The following NOP14 variants were observed in gnomAD, a reference collection of about 807,000 sequenced individuals.
NOP14 encodes the protein NOP14 nucleolar protein, also known as nucleolar protein 14.
In NOP14, 57 loss-of-function variants were observed where a neutral mutation model predicts 101.6. That is an observed-to-expected ratio of 0.56 (90% CI 0.45 to 0.70). The LOEUF is 0.70. Among genes scored for constraint, NOP14 ranks in the 30% least tolerant of loss-of-function variants. The pLI is 0.00. For missense variants in NOP14, 1,134 were observed against 1,075.5 expected (o/e 1.05, Z -0.76); for synonymous variants, 428 against 424.0 (o/e 1.01, Z -0.12).
chr4:2,947,415 C>T (rs759969533), intron 10 of NOP14, 111 bp downstream of exon 10: 1 of 788,204 alleles, frequency 1.3e-6, no homozygotes, highest in Non-Finnish European at 2.1e-6. Flanking sequence ...CATGCTGACA[C>T]CATCATTCCA....
chr4:2,948,340 C>A lies in NOP14; in HGVS notation c.1351G>T (p.Val451Leu). The change falls in exon 9 of 18, where the codon GTG becomes TTG. Residue 451 changes from valine to leucine, a missense_variant. Physicochemically the swap from Val to Leu is conservative, Grantham distance 32 (BLOSUM62 1). Coordinates refer to ENST00000416614, the MANE Select transcript of NOP14 (RefSeq NM_001291978.2). Reference sequence around the variant, plus strand: ...TGGTTGCACTTCTGAATTCTCTCCACCACCAAAAGCTGCTCTTCCATCGAT... The same window carrying A: ...TGGTTGCACTTCTGAATTCTCTCCAACACCAAAAGCTGCTCTTCCATCGAT... The part of the protein sequence containing the change: ...GRSMEEQLLV[V>L]ERIQKCNHPS... The A allele has an allele frequency of 6.2e-7, 1 of 1,612,152 alleles. No homozygotes were observed.
chr4:2,938,420 T>TGAGGCAGGAGAATCGCTTG lies in NOP14; in HGVS notation c.*392_*410dup, dbSNP rs1713836254. 5.6e-6 allele frequency: 2 copies of TGAGGCAGGAGAATCGCTTG among 358,830 alleles called. No individual in the cohort carries two copies. The highest frequency in any genetic ancestry group is 7.5e-5 in the Admixed American group (2 of 26,834). The allele number at this position is 358,830 out of a possible 1,614,324, so 22.2% of individuals were successfully genotyped here. On this transcript the variant is annotated 3_prime_UTR_variant, in exon 18 of 18. Coordinates refer to ENST00000416614, the MANE Select transcript of NOP14 (RefSeq NM_001291978.2). ...CTGTAATCCCAGCTACTCGGGAGGC[T>TGAGGCAGGAGAATCGCTTG]GAGGCAGGAGAATCGCTTGAACCCA...
intron 14 of NOP14, 23 bp from the exon 15 acceptor site, chr4:2,941,752 G>A (rs571489718): frequency 6.2e-7 from 1 of 1,608,152 alleles, no homozygotes; most frequent in South Asian, 1.1e-5. Context: ...GAGGCAAGAG[G>A]AGGTCCAACT....
intron 1 of NOP14, 53 bp from the exon 2 acceptor site, chr4:2,957,793 C>G: frequency 6.3e-7 from 1 of 1,584,150 alleles, no homozygotes; most frequent in Non-Finnish European, 8.6e-7. Context: ...ATTTCCACTA[C>G]AGGGGACATC....
rs368545840 is a variant in NOP14, at chr4:2,947,515, T to C, written c.1499+11A>G. 7 of 1,600,428 alleles carry C rather than the reference T, an allele frequency of 4.4e-6. No individual in the cohort carries two copies. Among genetic ancestry groups the C allele is most frequent in the Non-Finnish European group, 6.0e-6 (7 of 1,167,728 alleles). ...ACCCCACATCCCAGATGACACACCA[T>C]TTTTACTTACACAACCAACTTATCA... is the stretch of plus-strand genomic sequence containing the variant. On this transcript the variant is annotated intron_variant, in intron 10 of 17. Transcript: ENST00000416614.
At chr4:2,954,353 A>T in intron 4 of NOP14, 71 bp downstream of exon 4, 33 of 1,550,590 alleles carry the variant, frequency 2.1e-5, no homozygotes, top group Non-Finnish European at 2.9e-5. Context: ...TACAGGAAAA[A>T]AAAGCTCAAA....
intron 7 of NOP14, 155 bp from the exon 8 acceptor site, chr4:2,950,368 C>G (rs1714941820): frequency 2.7e-6 from 2 of 728,746 alleles, no homozygotes; most frequent in Non-Finnish European, 2.3e-6. Context: ...GGCACTAGGC[C>G]TCCTGCCCAC....
chr4:2,938,293 G>T lies in NOP14; in HGVS notation c.*538C>A. On this transcript the variant is annotated 3_prime_UTR_variant, in exon 18 of 18. Transcript: ENST00000416614. ...CACCTATAATTGGGGGGCCAAGGCAGGTGGATTACCTGAGGTCGGGAATTC... is the reference window on the plus strand; with the variant it reads ...CACCTATAATTGGGGGGCCAAGGCATGTGGATTACCTGAGGTCGGGAATTC... 8.8e-7 allele frequency: 1 copy of T among 1,138,428 alleles called. No individual in the cohort carries two copies. The highest frequency in any genetic ancestry group is 1.2e-6 in the Non-Finnish European group (1 of 851,890). 70.5% of individuals were successfully genotyped at this position (1,138,428 alleles called of 1,614,324 possible).
chr4:2,962,298 G>T lies in NOP14; in HGVS notation c.195+827C>A, dbSNP rs113896916. Among the ~76,000 whole-genome samples the T allele has an allele frequency of 4.1e-3, 619 of 152,328 alleles. 3 individuals carry two copies. The highest frequency in any genetic ancestry group is 7.5e-3 in the Non-Finnish European group (512 of 68,014). On this transcript the variant is annotated intron_variant, in intron 1 of 17. Coordinates refer to ENST00000416614, the MANE Select transcript of NOP14 (RefSeq NM_001291978.2). ...TTCTCCCACCCCGGCCCGGGGGTGT[G>T]TAATGAGGGACTCCTATCGAAGTCA...
rs559910438 is a variant in NOP14, at chr4:2,945,154, C to T, written c.1711G>A (p.Val571Met). The change falls in exon 12 of 18, where the codon GTG becomes ATG. Residue 571 changes from valine (V) to methionine (M), a missense_variant. Transcript: ENST00000416614. Reference sequence around the variant, plus strand: ...TTGGTGAGCAGCTGACTGAGGCACACGAGGGCAGGGGTCACCACTGGGTGC... The same window carrying T: ...TTGGTGAGCAGCTGACTGAGGCACATGAGGGCAGGGGTCACCACTGGGTGC... ...FWHPVVTPAL[V>M]CLSQLLTKCP... 1.6e-5 allele frequency: 25 copies of T among 1,591,784 alleles called. No individual in the cohort carries two copies. The highest frequency in any genetic ancestry group is 1.1e-4 in the South Asian group (10 of 87,426).
chr4:2,955,542 G>A (rs1006838552), intron 3 of NOP14, among the ~76,000 whole-genome samples: 13 of 149,438 alleles, frequency 8.7e-5, no homozygotes, highest in Admixed American at 2.0e-4. Flanking sequence ...ACGCCACGGC[G>A]CCCCCTCTAG....
intron 11 of NOP14, among the ~76,000 whole-genome samples, chr4:2,945,638 T>C (rs1221682842): frequency 6.6e-6 from 1 of 152,214 alleles, no homozygotes; most frequent in Non-Finnish European, 1.5e-5. Flanking sequence ...AAGCTGAAAA[T>C]ACAGCATGAG....
chr4:2,942,088 G>T, intron 14 of NOP14, 104 bp downstream of exon 14: 1 of 1,201,092 alleles, frequency 8.3e-7, no homozygotes, highest in Non-Finnish European at 1.2e-6. Flanking sequence ...AAACGGCCGG[G>T]CGGCAAGTTC....
At chr4:2,948,187 A>G (rs1714786099) in intron 9 of NOP14, 91 bp downstream of exon 9, 1 of 1,454,894 alleles carries the variant, frequency 6.9e-7, no homozygotes, top group Non-Finnish European at 9.1e-7. Flanking sequence ...TGAGGCACAC[A>G]TGGCCGTTGC....
chr4:2,961,147 A>ATAT (rs559380926), intron 1 of NOP14, among the ~76,000 whole-genome samples: 29,125 of 77,106 alleles, frequency 0.38, 5,087 homozygotes, highest in African/African-American at 0.45. Flanking sequence ...TAATATACTA[A>ATAT]TATAATAATA....
intron 12 of NOP14, 31 bp from the exon 13 acceptor site, chr4:2,944,257 C>G: frequency 1.3e-6 from 2 of 1,598,394 alleles, no homozygotes; most frequent in Non-Finnish European, 1.7e-6. Flanking sequence ...GGTTACTGTC[C>G]TGGGACGATG....
intron 1 of NOP14, among the ~76,000 whole-genome samples, chr4:2,959,509 C>T (rs539842460): frequency 2.0e-4 from 31 of 152,204 alleles, no homozygotes; most frequent in African/African-American, 6.0e-4. Context: ...AGGAGAATGG[C>T]GTGAACCCGG....
chr4:2,950,781 T>C (rs138075523), intron 7 of NOP14: 72 of 220,828 alleles, frequency 3.3e-4, no homozygotes, highest in African/African-American at 1.6e-3. Flanking sequence ...GCTCCCTCAA[T>C]AGTATGATGA....
intron 1 of NOP14, among the ~76,000 whole-genome samples, chr4:2,960,483 G>A (rs1481013934): frequency 6.6e-6 from 1 of 151,822 alleles, no homozygotes; most frequent in African/African-American, 2.4e-5. Flanking sequence ...ACATTATTGT[G>A]ATTCTCTTTC....
Sources: allele counts gnomAD v4.1 joint callset (sites outside exome capture counted in the v4.1 genomes callset), GRCh38; gene constraint gnomAD v4.1.1; transcripts MANE v1.5; gene names NCBI Gene and HGNC (gene_info 2026-07-23, HGNC 2026-07-21).